SOX5: variants seen among roughly 807,000 people sequenced by gnomAD.
SOX5 encodes the protein transcription factor SOX-5.
In SOX5, 9 loss-of-function variants were observed where a neutral mutation model predicts 92.0. The observed-to-expected ratio is 0.10, with a 90% CI of 0.06 to 0.17. The LOEUF (loss-of-function observed/expected upper bound fraction) is 0.17, where lower values mean the gene tolerates loss of function less well. SOX5 is among the 10% of genes least tolerant of loss of function. The probability of loss-of-function intolerance (pLI) is 1.00; values close to 1 mark genes in which losing one functional copy is unlikely to be tolerated. For missense variants in SOX5, 642 were observed against 944.5 expected, an observed-to-expected ratio of 0.68 and a Z score of 4.20; for synonymous variants, 344 against 336.3, an observed-to-expected ratio of 1.02 and a Z score of -0.25.
intron 10 of SOX5, among the ~76,000 whole-genome samples, chr12:23,566,656 T>G (rs2136427955): frequency 6.6e-6 from 1 of 152,348 alleles, no homozygotes; most frequent in Non-Finnish European, 1.5e-5. Flanking sequence ...TTACACAAGT[T>G]GTTTTACTGT....
intron 1 of SOX5, among the ~76,000 whole-genome samples, chr12:24,527,764 A>C (rs1950842924): frequency 6.6e-6 from 1 of 152,220 alleles, no homozygotes; most frequent in Non-Finnish European, 1.5e-5. Flanking sequence ...CTATTGGGGA[A>C]ATATAAACAT....
intron 1 of SOX5, among the ~76,000 whole-genome samples, chr12:24,390,130 T>C (rs1007977962): frequency 2.6e-5 from 4 of 152,196 alleles, no homozygotes; most frequent in African/African-American, 7.2e-5. Flanking sequence ...AACTCCTCTT[T>C]ATATGAACTC....
intron 3 of SOX5, among the ~76,000 whole-genome samples, chr12:23,767,948 TG>T (rs1044154905): frequency 1.3e-5 from 2 of 152,176 alleles, no homozygotes; most frequent in African/African-American, 4.8e-5. Flanking sequence ...ACATATAATT[TG>T]AACTCAACCC....
chr12:24,001,091 CT>C (rs1322498140), intron 4 of SOX5, among the ~76,000 whole-genome samples: 1 of 151,982 alleles, frequency 6.6e-6, no homozygotes, highest in Non-Finnish European at 1.5e-5. Context: ...ATGATTTAAA[CT>C]AGATTTTAAA....
At chr12:24,212,552 C>G in intron 4 of SOX5, 1 of 518,414 alleles carries the variant, frequency 1.9e-6, no homozygotes, top group Non-Finnish European at 3.9e-6. Flanking sequence ...CAAGTCTTCA[C>G]TCATAACTAA....
intron 6 of SOX5, among the ~76,000 whole-genome samples, chr12:23,713,163 G>A (rs1259682479): frequency 6.6e-6 from 1 of 152,198 alleles, no homozygotes; most frequent in Admixed American, 6.5e-5. Flanking sequence ...TGTAGGGACA[G>A]AGGCAGAGAC....
chr12:24,253,036 G>A (rs898281589), intron 3 of SOX5, among the ~76,000 whole-genome samples: 2 of 151,986 alleles, frequency 1.3e-5, no homozygotes, highest in African/African-American at 2.4e-5. Flanking sequence ...AAGCACAATA[G>A]CAGAAAATGA....
At chr12:24,125,132 C>T (rs1948991049) in intron 4 of SOX5, among the ~76,000 whole-genome samples, 1 of 152,116 alleles carries the variant, frequency 6.6e-6, no homozygotes, top group South Asian at 2.1e-4. Context: ...AATACAATTC[C>T]CCATTGTAAA....
At chr12:24,478,023 A>T (rs1945581895) in intron 1 of SOX5, among the ~76,000 whole-genome samples, 2 of 152,166 alleles carry the variant, frequency 1.3e-5, no homozygotes, top group Non-Finnish European at 2.9e-5. Flanking sequence ...AGAAGCTGAA[A>T]CCCCTCAAAA....
At position 23,529,849 on chromosome 12, in the gene SOX5, A is replaced by T. The variant is rs1219976804; in HGVS notation, c.*4370T>A. ...ACATACTTTGTTTTAAGCTCCAGGC[A>T]TTTGATTGTCTCTTTTCTATTTTTT... On this transcript the variant is annotated 3_prime_UTR_variant, in exon 15 of 15. Coordinates refer to ENST00000451604, the MANE Select transcript of SOX5 (RefSeq NM_006940.6). 6.6e-6 allele frequency: 1 copy of T among 152,180 alleles called. No individual in the cohort carries two copies. The highest frequency in any genetic ancestry group is 1.9e-4 in the East Asian group (1 of 5,200). 9.4% of individuals were successfully genotyped at this position (152,180 alleles called of 1,614,324 possible).
intron 6 of SOX5, among the ~76,000 whole-genome samples, chr12:23,666,225 C>A (rs992007343): frequency 6.6e-6 from 1 of 151,900 alleles, no homozygotes; most frequent in Non-Finnish European, 1.5e-5. Flanking sequence ...GCTACAGATT[C>A]CCTGTACAAC....
At chr12:24,352,663 C>T (rs1954241274) in intron 2 of SOX5, among the ~76,000 whole-genome samples, 1 of 152,116 alleles carries the variant, frequency 6.6e-6, no homozygotes, top group Non-Finnish European at 1.5e-5. Flanking sequence ...TATTATGTTC[C>T]TCAGATCTTC....
At chr12:23,819,659 A>G (rs2096068019) in intron 3 of SOX5, among the ~76,000 whole-genome samples, 1 of 152,082 alleles carries the variant, frequency 6.6e-6, no homozygotes, top group South Asian at 2.1e-4. Context: ...ACTCCCACTT[A>G]TGAGTGAGAA....
intron 4 of SOX5, among the ~76,000 whole-genome samples, chr12:24,145,132 G>A (rs1303073289): frequency 1.3e-5 from 2 of 151,900 alleles, no homozygotes; most frequent in East Asian, 1.9e-4. Context: ...TAAAAAGGGA[G>A]GAATATGATA....
At chr12:24,478,712 C>T (rs1196486131) in intron 1 of SOX5, among the ~76,000 whole-genome samples, 1 of 152,212 alleles carries the variant, frequency 6.6e-6, no homozygotes, top group Non-Finnish European at 1.5e-5. Flanking sequence ...TCCTGTTGCA[C>T]TCTTGACAAT....
At chr12:23,861,531 G>A (rs1017881456) in intron 2 of SOX5, among the ~76,000 whole-genome samples, 13 of 152,220 alleles carry the variant, frequency 8.5e-5, no homozygotes, top group African/African-American at 2.4e-4. Flanking sequence ...TGGAATTCCT[G>A]TTTTCTGAAT....
At chr12:23,971,339 G>T (rs549903008) in intron 4 of SOX5, among the ~76,000 whole-genome samples, 2 of 151,310 alleles carry the variant, frequency 1.3e-5, no homozygotes, top group African/African-American at 4.9e-5. Flanking sequence ...AGCCAGGAAG[G>T]TCTAGATCTC....
At chr12:24,372,446 C>T in intron 1 of SOX5, among the ~76,000 whole-genome samples, 1 of 152,166 alleles carries the variant, frequency 6.6e-6, no homozygotes, top group East Asian at 1.9e-4. Flanking sequence ...ATTCATGTCC[C>T]TGCCAAGGAC....
chr12:23,667,456 T>A (rs2084000089), intron 6 of SOX5, among the ~76,000 whole-genome samples: 1 of 152,174 alleles, frequency 6.6e-6, no homozygotes, highest in South Asian at 2.1e-4. Context: ...TTTAGTATTA[T>A]AATTTGTTTT....
Sources: allele counts gnomAD v4.1 joint callset (sites outside exome capture counted in the v4.1 genomes callset), GRCh38; gene constraint gnomAD v4.1.1; transcripts MANE v1.5; gene names NCBI Gene and HGNC (gene_info 2026-07-23, HGNC 2026-07-21).